Variants in CNOT4 observed in about 807,000 individuals in gnomAD.
CNOT4 encodes the protein CCR4-NOT transcription complex subunit 4, also known as CCR4-associated factor 4.
CNOT4 carries 8 observed loss-of-function variants against 73.8 expected under a neutral mutation model. The observed-to-expected ratio is 0.11, with a 90% confidence interval of 0.06 to 0.20. The LOEUF (loss-of-function observed/expected upper bound fraction) is 0.20, where lower values mean the gene tolerates loss of function less well. CNOT4 is among the 10% of genes least tolerant of loss of function. The pLI is 1.00. For synonymous variants in CNOT4, 293 were observed against 321.1 expected, an observed-to-expected ratio of 0.91 and a Z score of 0.94; for missense variants, 564 against 883.4, an observed-to-expected ratio of 0.64 and a Z score of 4.58.
intron 10 of CNOT4, among the ~76,000 whole-genome samples, chr7:135,382,401 T>G (rs1303774247): frequency 1.3e-5 from 2 of 152,194 alleles, no homozygotes; most frequent in Admixed American, 1.3e-4. Flanking sequence ...GGCTTCTCAA[T>G]CCATCAACAA....
chr7:135,486,864 C>T (rs981006540), intron 1 of CNOT4, among the ~76,000 whole-genome samples: 4 of 151,958 alleles, frequency 2.6e-5, no homozygotes, highest in Non-Finnish European at 5.9e-5. Context: ...TGAATCAATC[C>T]AAATCTAGGT....
intron 3 of CNOT4, among the ~76,000 whole-genome samples, chr7:135,416,576 A>G (rs767213502): frequency 3.3e-5 from 5 of 152,174 alleles, no homozygotes; most frequent in Non-Finnish European, 7.3e-5. Context: ...AGTTTGAAAA[A>G]GCTTTCTGGC....
Position 135,415,266 on chromosome 7 carries a change from T to C in CNOT4, c.373-4A>G, listed in dbSNP as rs762914385. Reference sequence around the variant, plus strand: ...AATATTCTGGTCGTTTTAAAACCTATAAAAGAAGAAGAAATAAGGTATAAA... The same window carrying C: ...AATATTCTGGTCGTTTTAAAACCTACAAAAGAAGAAGAAATAAGGTATAAA... On this transcript the variant is annotated splice_polypyrimidine_tract_variant and splice_region_variant and intron_variant, in intron 3 of 11. Coordinates refer to ENST00000541284, the MANE Select transcript of CNOT4 (RefSeq NM_001190850.2). The C allele has an allele frequency of 4.7e-6, 7 of 1,486,498 alleles. No individual in the cohort carries two copies. The East Asian group carries it at 1.1e-4, about 24-fold the overall frequency. 92.1% of individuals were successfully genotyped at this position (1,486,498 alleles called of 1,614,324 possible).
chr7:135,463,432 G>C (rs1801003667), intron 1 of CNOT4, among the ~76,000 whole-genome samples: 1 of 151,720 alleles, frequency 6.6e-6, no homozygotes, highest in African/African-American at 2.4e-5. Context: ...CGGCTATTCG[G>C]GGGGCTGAGG....
At position 135,413,620 on chromosome 7, in the gene CNOT4, G is replaced by A. The variant is rs1023514043; in HGVS notation, c.562-7C>T. ...TTGTTGTACCTAGAGATGCCTGCAGGAGGAAGAGGGGTAAAGGAAAAGAAG... is the reference window on the plus strand; with the variant it reads ...TTGTTGTACCTAGAGATGCCTGCAGAAGGAAGAGGGGTAAAGGAAAAGAAG... On this transcript the variant is annotated splice_polypyrimidine_tract_variant and splice_region_variant and intron_variant, in intron 5 of 11. Transcript: ENST00000541284. 1.9e-6 allele frequency: 3 copies of A among 1,607,574 alleles called. No individual in the cohort carries two copies. Among genetic ancestry groups the A allele is most frequent in the Admixed American group, 3.4e-5 (2 of 59,164 alleles).
chr7:135,432,798 C>T (rs1436975064), intron 2 of CNOT4, among the ~76,000 whole-genome samples: 1 of 152,186 alleles, frequency 6.6e-6, no homozygotes, highest in East Asian at 1.9e-4. Flanking sequence ...TCACACTTAA[C>T]AGTTGAGCAG....
Position 135,413,638 on chromosome 7 carries a change from A to C in CNOT4, c.562-25T>G, listed in dbSNP as rs760328438. 5 of 1,601,428 alleles carry C rather than the reference A, an allele frequency of 3.1e-6. No individual in the cohort carries two copies. The African/African-American group carries it at 5.4e-5, about 17-fold the overall frequency. ...CCTGCAGGAGGAAGAGGGGTAAAGGAAAAGAAGACTCAATGTGAACTGACA... is the reference window on the plus strand; with the variant it reads ...CCTGCAGGAGGAAGAGGGGTAAAGGCAAAGAAGACTCAATGTGAACTGACA... On this transcript the variant is annotated intron_variant, in intron 5 of 11. Transcript: ENST00000541284.
At chr7:135,471,796 A>G (rs1195970544) in intron 1 of CNOT4, among the ~76,000 whole-genome samples, 1 of 152,234 alleles carries the variant, frequency 6.6e-6, no homozygotes, top group Non-Finnish European at 1.5e-5. Context: ...TCCGCTAGCC[A>G]ATATATTGGC....
At chr7:135,463,173 G>A (rs1056301390) in intron 1 of CNOT4, among the ~76,000 whole-genome samples, 4 of 152,124 alleles carry the variant, frequency 2.6e-5, no homozygotes, top group South Asian at 2.1e-4. Context: ...ATGCTGGACC[G>A]CTACCTTATA....
At position 135,362,251 on chromosome 7, in the gene CNOT4, A is replaced by G. The variant is rs1794683510; in HGVS notation, c.*634T>C. 6.5e-6 allele frequency: 1 copy of G among 154,436 alleles called. No individual in the cohort carries two copies. Among genetic ancestry groups the G allele is most frequent in the Admixed American group, 6.4e-5 (1 of 15,680 alleles). The allele number at this position is 154,436 out of a possible 1,614,324, so 9.6% of individuals were successfully genotyped here. Reference sequence around the variant, plus strand: ...CTTCTCACCTCCTTATGAACTCTTTAGCAATCGGCCAGTTACTACTACAGA... The same window carrying G: ...CTTCTCACCTCCTTATGAACTCTTTGGCAATCGGCCAGTTACTACTACAGA... On this transcript the variant is annotated 3_prime_UTR_variant, in exon 12 of 12. Transcript: ENST00000541284.
rs558052965 is a variant in CNOT4 at position 135,406,991 on chromosome 7, G to A, written c.821+3524C>T. Among the ~76,000 whole-genome samples, 7 of 152,308 alleles carry A rather than the reference G, an allele frequency of 4.6e-5. No individual in the cohort carries two copies. In the East Asian group the frequency reaches 1.2e-3, roughly 25 times the overall value. ...CCAGTGTTGAAGGTGGGGCCTGGTG[G>A]GAGGCATTTGAATCATGGGGGTGGA... is the stretch of plus-strand genomic sequence containing the variant. On this transcript the variant is annotated intron_variant, in intron 7 of 11. Transcript: ENST00000541284.
chr7:135,427,173 T>C (rs569480594), intron 2 of CNOT4, among the ~76,000 whole-genome samples: 2 of 152,314 alleles, frequency 1.3e-5, no homozygotes, highest in South Asian at 4.1e-4. Flanking sequence ...TCTAGTGTAA[T>C]TACTTAATTT....
At chr7:135,370,440 TTCAA>T (rs1795136644) in intron 10 of CNOT4, among the ~76,000 whole-genome samples, 1 of 152,228 alleles carries the variant, frequency 6.6e-6, no homozygotes, top group Non-Finnish European at 1.5e-5. Context: ...GTAGTTTTTA[TTCAA>T]TCTTCCAAAA....
rs1385618305 is a variant in CNOT4, at chr7:135,362,314, T to C, written c.*571A>G. On this transcript the variant is annotated 3_prime_UTR_variant, in exon 12 of 12. Transcript: ENST00000541284. ...TCCATCAACTTCCAATACATTCTTT[T>C]GCTTAATGACACAATCAAGTCCTTG... 6.2e-6 allele frequency: 1 copy of C among 160,962 alleles called. No individual in the cohort carries two copies. Among genetic ancestry groups the C allele is most frequent in the Non-Finnish European group, 1.4e-5 (1 of 73,086 alleles). 10.0% of individuals were successfully genotyped at this position (160,962 alleles called of 1,614,324 possible). A position where few individuals can be genotyped will look rare whatever the true frequency, so the allele number is the denominator to read the frequency against.
intron 1 of CNOT4, among the ~76,000 whole-genome samples, chr7:135,440,566 C>T (rs1314428526): frequency 6.6e-6 from 1 of 152,126 alleles, no homozygotes; most frequent in African/African-American, 2.4e-5. Flanking sequence ...AGAACCTATT[C>T]TACATAAATA....
chr7:135,434,589 A>C (rs1407730063), intron 2 of CNOT4, among the ~76,000 whole-genome samples: 1 of 152,166 alleles, frequency 6.6e-6, no homozygotes, highest in Non-Finnish European at 1.5e-5. Flanking sequence ...TTATCCTTAG[A>C]CAATCTTTCA....
At chr7:135,474,780 T>G (rs1801889580) in intron 1 of CNOT4, among the ~76,000 whole-genome samples, 1 of 152,194 alleles carries the variant, frequency 6.6e-6, no homozygotes, top group African/African-American at 2.4e-5. Flanking sequence ...GTAAAACATT[T>G]TAAAATACTG....
At chr7:135,408,009 TCAAATA>T (rs1359684611) in intron 7 of CNOT4, among the ~76,000 whole-genome samples, 3 of 152,116 alleles carry the variant, frequency 2.0e-5, no homozygotes, top group Non-Finnish European at 4.4e-5. Flanking sequence ...ACTCTGTTAA[TCAAATA>T]CAAGTTAAAA....
intron 2 of CNOT4, among the ~76,000 whole-genome samples, chr7:135,433,144 G>T (rs1446759450): frequency 1.3e-5 from 2 of 152,090 alleles, no homozygotes; most frequent in South Asian, 4.2e-4. Flanking sequence ...GCACTTAATT[G>T]TTTGGTATTT....
Sources: allele counts gnomAD v4.1 joint callset (sites outside exome capture counted in the v4.1 genomes callset), GRCh38; gene constraint gnomAD v4.1.1; transcripts MANE v1.5; gene names NCBI Gene and HGNC (gene_info 2026-07-23, HGNC 2026-07-21).